The following PRKCB variants were observed in gnomAD, a reference collection of about 807,000 sequenced individuals.
PRKCB encodes the protein protein kinase C beta.
In PRKCB, 13 loss-of-function variants were observed where a neutral mutation model predicts 81.5. The ratio of observed to expected loss-of-function variants is 0.16; its 90% CI spans 0.10 to 0.25. The LOEUF (loss-of-function observed/expected upper bound fraction) is 0.25, where lower values mean the gene tolerates loss of function less well. Among genes scored for constraint, PRKCB ranks in the 10% least tolerant of loss-of-function variants. The probability of loss-of-function intolerance (pLI) is 1.00; values close to 1 mark genes in which losing one functional copy is unlikely to be tolerated. For synonymous variants in PRKCB, 335 were observed against 321.4 expected (o/e 1.04, Z -0.45); for missense variants, 509 against 875.7 (o/e 0.58, Z 5.29).
intron 3 of PRKCB, among the ~76,000 whole-genome samples, chr16:24,028,804 G>T (rs1014551498): frequency 4.0e-5 from 6 of 148,966 alleles, no homozygotes; most frequent in Admixed American, 4.0e-4. Context: ...TATGGTTGTT[G>T]TTTTTTTTTT....
intron 2 of PRKCB, among the ~76,000 whole-genome samples, chr16:23,922,426 G>C (rs936248536): frequency 8.5e-5 from 13 of 152,154 alleles, no homozygotes; most frequent in Non-Finnish European, 1.2e-4. Flanking sequence ...TTTTATTAAA[G>C]ACATGGTATG....
chr16:24,205,760 T>C (rs1042865342), intron 16 of PRKCB, among the ~76,000 whole-genome samples: 15 of 152,222 alleles, frequency 9.9e-5, no homozygotes, highest in African/African-American at 3.4e-4. Context: ...AGATGTGATT[T>C]TGCTCTCATG....
intron 2 of PRKCB, among the ~76,000 whole-genome samples, chr16:23,903,068 G>A (rs1368812026): frequency 6.7e-6 from 1 of 149,960 alleles, no homozygotes; most frequent in African/African-American, 2.5e-5. Flanking sequence ...CTGGCCTCAG[G>A]AGCCCTCCTG....
intron 2 of PRKCB, among the ~76,000 whole-genome samples, chr16:23,876,020 G>A (rs573249361): frequency 1.4e-4 from 21 of 152,196 alleles, no homozygotes; most frequent in African/African-American, 2.4e-4. Flanking sequence ...GTGACTGGCC[G>A]GGCCCCATAG....
intron 10 of PRKCB, among the ~76,000 whole-genome samples, chr16:24,160,188 GT>G (rs370235952): frequency 9.4e-6 from 1 of 106,914 alleles, no homozygotes; most frequent in South Asian, 3.3e-4. Context: ...AGCCCTTTGG[GT>G]GTTTTTTTTT....
At chr16:23,884,006 TTAA>T (rs1963162329) in intron 2 of PRKCB, among the ~76,000 whole-genome samples, 2 of 152,364 alleles carry the variant, frequency 1.3e-5, no homozygotes, top group African/African-American at 2.4e-5. Flanking sequence ...TATAAAATTA[TTAA>T]TGAGATATTT....
chr16:23,989,527 A>C (rs952439631), intron 3 of PRKCB, among the ~76,000 whole-genome samples: 1 of 152,214 alleles, frequency 6.6e-6, no homozygotes, highest in Non-Finnish European at 1.5e-5. Flanking sequence ...TGTTTTAATC[A>C]TTATAAATGT....
At chr16:23,878,908 G>A (rs1381423882) in intron 2 of PRKCB, among the ~76,000 whole-genome samples, 1 of 152,090 alleles carries the variant, frequency 6.6e-6, no homozygotes, top group Admixed American at 6.5e-5. Context: ...GTGTGGTGGT[G>A]GTTCATGCTG....
chr16:24,217,419 G>T lies in PRKCB; in HGVS notation c.*2603G>T. On this transcript the variant is annotated 3_prime_UTR_variant, in exon 17 of 17. Coordinates refer to ENST00000643927, the MANE Select transcript of PRKCB (RefSeq NM_002738.7). ...GCCATAGCAACAAGGACCTTCTTGG[G>T]GGATTAATGGGAGGTCAGTAGAATT... The T allele has an allele frequency of 1.0e-6, 1 of 985,366 alleles. No homozygotes were observed. Among genetic ancestry groups the T allele is most frequent in the East Asian group, 1.1e-4 (1 of 8,808 alleles). The allele number at this position is 985,366 out of a possible 1,614,324, so 61.0% of individuals were successfully genotyped here.
chr16:24,050,501 C>G (rs958278933), intron 5 of PRKCB, among the ~76,000 whole-genome samples: 9 of 151,784 alleles, frequency 5.9e-5, no homozygotes, highest in Non-Finnish European at 1.0e-4. Context: ...ACTGCACAAA[C>G]AAGCACAAAC....
intron 5 of PRKCB, among the ~76,000 whole-genome samples, chr16:24,084,430 A>G (rs1328594057): frequency 6.6e-6 from 1 of 152,206 alleles, no homozygotes; most frequent in Non-Finnish European, 1.5e-5. Flanking sequence ...CAGAAATACC[A>G]TAATAGAAGG....
intron 2 of PRKCB, among the ~76,000 whole-genome samples, chr16:23,981,714 TCCCTTCCCCTTCCCTTCCCCTTCCCTTC>T: frequency 2.2e-5 from 1 of 45,536 alleles, no homozygotes; most frequent in African/African-American, 1.1e-4. Context: ...CCCTTCCCTT[TCCCTTCCCCTTCCCTTCCCCTTCCCTTC>T]CCCTTCCCTT....
At chr16:23,939,186 G>A (rs1964105461) in intron 2 of PRKCB, among the ~76,000 whole-genome samples, 1 of 152,160 alleles carries the variant, frequency 6.6e-6, no homozygotes, top group Admixed American at 6.5e-5. Flanking sequence ...CAAAACATTT[G>A]CAGGACTTAT....
intron 10 of PRKCB, 72 bp from the exon 11 acceptor site, chr16:24,172,198 C>G (rs1967451225): frequency 9.1e-7 from 1 of 1,099,152 alleles, no homozygotes. Context: ...AATTCCAGCT[C>G]TTCCCCCACT....
intron 2 of PRKCB, among the ~76,000 whole-genome samples, chr16:23,910,278 G>T (rs1039341095): frequency 6.6e-6 from 1 of 152,134 alleles, no homozygotes; most frequent in African/African-American, 2.4e-5. Context: ...ATCAACATTG[G>T]TTTCATCCTT....
intron 16 of PRKCB, among the ~76,000 whole-genome samples, chr16:24,193,534 A>G (rs1967831440): frequency 6.6e-6 from 1 of 152,072 alleles, no homozygotes; most frequent in African/African-American, 2.4e-5. Context: ...CTAGTCTCAA[A>G]TTCCTGGGCT....
chr16:23,933,024 G>GTAGCAGATGCTAT (rs3837787), intron 2 of PRKCB, among the ~76,000 whole-genome samples: 77,063 of 151,614 alleles, frequency 0.51, 20,656 homozygotes, highest in East Asian at 0.62. Context: ...AATGAATGCT[G>GTAGCAGATGCTAT]TAGCAGATGC....
intron 3 of PRKCB, among the ~76,000 whole-genome samples, chr16:24,028,237 T>G (rs921982452): frequency 6.6e-6 from 1 of 152,120 alleles, no homozygotes; most frequent in Non-Finnish European, 1.5e-5. Flanking sequence ...TACAGGTGCA[T>G]GCCACTATGC....
intron 2 of PRKCB, among the ~76,000 whole-genome samples, chr16:23,839,909 C>T (rs547920225): frequency 1.1e-3 from 168 of 152,258 alleles, no homozygotes; most frequent in Non-Finnish European, 2.1e-3. Context: ...GCAGCTGGCA[C>T]GAGAGAAGAC....
Sources: gnomAD v4.1 joint callset for allele counts (sites outside exome capture counted in the v4.1 genomes callset) on GRCh38, gnomAD v4.1.1 for gene constraint, MANE v1.5 for transcripts, NCBI Gene and HGNC (gene_info 2026-07-23, HGNC 2026-07-21) for gene names.